Variants in LECT2 observed in about 807,000 individuals in gnomAD.
LECT2 encodes the protein leukocyte cell derived chemotaxin 2.
A neutral mutation model predicts 16.6 loss-of-function variants in LECT2; 11 were observed. That is an observed-to-expected ratio of 0.66 (90% CI 0.42 to 1.09). The LOEUF is 1.09. LECT2 is among the 50% of genes least tolerant of loss of function. The pLI is 0.00. For synonymous variants in LECT2, 54 were observed against 64.8 expected (o/e 0.83, Z 0.80); for missense variants, 173 against 184.2 (o/e 0.94, Z 0.35).
intron 3 of LECT2, among the ~76,000 whole-genome samples, chr5:135,950,266 T>C (rs1045356358): frequency 6.6e-6 from 1 of 152,234 alleles, no homozygotes; most frequent in Admixed American, 6.5e-5. Context: ...TATAATGGAA[T>C]ATCATGCATC....
At chr5:135,954,650 C>T (rs1382768591) in intron 1 of LECT2, 138 bp downstream of exon 1, 1 of 646,012 alleles carries the variant, frequency 1.5e-6, no homozygotes, top group Non-Finnish European at 2.8e-6. Flanking sequence ...ATGTGTCATT[C>T]CTATTTCATT....
At chr5:135,951,433 C>A (rs1182290610) in intron 2 of LECT2, 65 bp from the exon 3 acceptor site, 51 of 1,473,974 alleles carry the variant, frequency 3.5e-5, no homozygotes, top group Non-Finnish European at 4.5e-5. Context: ...TGCCTGGGAA[C>A]ATGGTGTTAG....
At chr5:135,948,911 G>A (rs867627540) in intron 3 of LECT2, among the ~76,000 whole-genome samples, 20 of 152,174 alleles carry the variant, frequency 1.3e-4, no homozygotes, top group African/African-American at 4.3e-4. Context: ...TCCTGACCTC[G>A]TGATCCATCC....
In LECT2 at chr5:135,951,203, G is replaced by T; in HGVS notation, c.289+20C>A. On this transcript the variant is annotated intron_variant, in intron 3 of 3. Transcript: ENST00000274507. ...AACATCTCCAGGAGGCACCCCAGGT[G>T]TAGACTCCACCTCTCTTACCTCTTC... The T allele has an allele frequency of 6.2e-7, 1 of 1,613,370 alleles. No individual in the cohort carries two copies. The highest frequency in any genetic ancestry group is 1.1e-5 in the South Asian group (1 of 91,048).
At chr5:135,950,246 A>T (rs1763770895) in intron 3 of LECT2, among the ~76,000 whole-genome samples, 1 of 152,260 alleles carries the variant, frequency 6.6e-6, no homozygotes, top group South Asian at 2.1e-4. Context: ...AATAGATGAA[A>T]GTATACGCAT....
rs149560293 is a variant in LECT2 at position 135,951,324 on chromosome 5, C to G, written c.188G>C (p.Gly63Ala). 1 of 1,613,700 alleles carries G rather than the reference C, an allele frequency of 6.2e-7. No homozygotes were observed. Among genetic ancestry groups the G allele is most frequent in the African/African-American group, 1.3e-5 (1 of 74,906 alleles). The change falls in exon 3 of 4, where the codon GGA (glycine) becomes GCA (alanine). Residue 63 changes from glycine to alanine, a missense_variant. By Grantham distance (60) the Gly-to-Ala change is moderately conservative (BLOSUM62 0). Coordinates refer to ENST00000274507, the MANE Select transcript of LECT2 (RefSeq NM_002302.3). Reference sequence around the variant, plus strand: ...AGTGAATGGTGCGTACACAGTAGATCCAGCAGAGCACAAGATGTCCACACC... The same window carrying G: ...AGTGAATGGTGCGTACACAGTAGATGCAGCAGAGCACAAGATGTCCACACC... ...HQGVDILCSA[G>A]STVYAPFTGM...
chr5:135,951,453 T>G (rs2126876618), intron 2 of LECT2, 85 bp from the exon 3 acceptor site: 1 of 1,288,682 alleles, frequency 7.8e-7, no homozygotes, highest in South Asian at 1.5e-5. Context: ...GCCCACTGTT[T>G]GCAGACGAGG....
rs191564742 is a variant in LECT2, at chr5:135,949,299, T to A, written c.290-1802A>T. Among the ~76,000 whole-genome samples the A allele has an allele frequency of 1.6e-3, 243 of 152,310 alleles. 1 individual carries two copies. Among genetic ancestry groups the A allele is most frequent in the African/African-American group, 5.7e-3 (237 of 41,566 alleles). ...ATTAGCAAACAGATTCTGTAATTTA[T>A]TTGGAAATGCAAATAACCAAGAATT... On this transcript the variant is annotated intron_variant, in intron 3 of 3. Coordinates refer to ENST00000274507, the MANE Select transcript of LECT2 (RefSeq NM_002302.3).
At chr5:135,952,837 A>G in intron 2 of LECT2, 34 bp downstream of exon 2, 1 of 1,506,348 alleles carries the variant, frequency 6.6e-7, no homozygotes, top group Non-Finnish European at 9.2e-7. Flanking sequence ...GTTAGGGACC[A>G]AAGGGTTGGG....
chr5:135,949,479 T>C (rs982265852), intron 3 of LECT2, among the ~76,000 whole-genome samples: 1 of 152,218 alleles, frequency 6.6e-6, no homozygotes, highest in Non-Finnish European at 1.5e-5. Context: ...AAGCCCCTAG[T>C]CTGACTGGTG....
chr5:135,953,507 T>C (rs1032643097), intron 1 of LECT2, among the ~76,000 whole-genome samples: 6 of 152,216 alleles, frequency 3.9e-5, no homozygotes, highest in African/African-American at 1.4e-4. Context: ...GCTGAATGTG[T>C]TTCTTTATAA....
chr5:135,950,549 T>A (rs1763775801), intron 3 of LECT2, among the ~76,000 whole-genome samples: 1 of 152,236 alleles, frequency 6.6e-6, no homozygotes, highest in African/African-American at 2.4e-5. Context: ...CACGGAGCTA[T>A]ACATGGATGT....
intron 1 of LECT2, 126 bp downstream of exon 1, chr5:135,954,658 ATTTT>A (rs1376762373): frequency 4.5e-6 from 3 of 669,412 alleles, no homozygotes; most frequent in Non-Finnish European, 8.1e-6. Flanking sequence ...TTCCTATTTC[ATTTT>A]TAATAGCCAA....
intron 3 of LECT2, chr5:135,950,982 A>G (rs1219764356): frequency 1.8e-6 from 1 of 544,484 alleles, no homozygotes; most frequent in Non-Finnish European, 3.2e-6. Flanking sequence ...AATAATCTGT[A>G]CACCAAATGT....
chr5:135,949,052 C>G (rs1459506028), intron 3 of LECT2, among the ~76,000 whole-genome samples: 1 of 152,124 alleles, frequency 6.6e-6, no homozygotes, highest in Non-Finnish European at 1.5e-5. Flanking sequence ...AAAACTCCAT[C>G]AGGTAGGTTT....
At position 135,947,259 on chromosome 5, in the gene LECT2, TGAAGA is replaced by T. The variant is rs1271063330; in HGVS notation, c.*67_*71del. ...TTTTCCTTTGTGAACACAAATTTCT[TGAAGA>T]GAAGGGTATGCATCCAGGTTTTTAA... is the stretch of plus-strand genomic sequence containing the variant. On this transcript the variant is annotated 3_prime_UTR_variant, in exon 4 of 4. Transcript: ENST00000274507. 7.9e-5 allele frequency: 112 copies of T among 1,424,492 alleles called. No homozygotes were observed. The highest frequency in any genetic ancestry group is 1.0e-4 in the Non-Finnish European group (107 of 1,032,344). 88.2% of individuals were successfully genotyped at this position (1,424,492 alleles called of 1,614,324 possible).
chr5:135,954,814 AG>A lies in LECT2; in HGVS notation c.19del (p.Leu7SerfsTer6). The A allele has an allele frequency of 6.2e-7, 1 of 1,613,350 alleles. No individual in the cohort carries two copies. Among genetic ancestry groups the A allele is most frequent in the Non-Finnish European group, 8.5e-7 (1 of 1,179,312 alleles). Reference protein sequence around the residue: MFSTKALLLAGLISTAL... With the variant: MFSTKAXLLAGLISTAL... ...GGTAGAAATCAGACCAGCCAAAAGG[AG>A]GGCTTTGGTGGAAAACATCTGGTTT... On this transcript the variant is annotated frameshift_variant, in exon 1 of 4. Transcript: ENST00000274507. LOFTEE classifies it high-confidence loss of function.
chr5:135,952,480 A>G (rs1187902181), intron 2 of LECT2, among the ~76,000 whole-genome samples: 1 of 152,228 alleles, frequency 6.6e-6, no homozygotes, highest in Non-Finnish European at 1.5e-5. Context: ...ATTCAGGTCC[A>G]GGCTTCACCA....
chr5:135,953,215 T>G (rs934816614), intron 1 of LECT2: 11 of 406,824 alleles, frequency 2.7e-5, no homozygotes, highest in African/African-American at 2.1e-5. Flanking sequence ...AATTTTTTTT[T>G]TTTTTGGATC....
Sources: gnomAD v4.1 joint callset for allele counts (sites outside exome capture counted in the v4.1 genomes callset) on GRCh38, gnomAD v4.1.1 for gene constraint, MANE v1.5 for transcripts, NCBI Gene and HGNC (gene_info 2026-07-23, HGNC 2026-07-21) for gene names.